SPECC1: variants seen among roughly 807,000 people sequenced by gnomAD.
The protein encoded by SPECC1 is sperm antigen with calponin homology and coiled-coil domains 1.
In SPECC1, 62 loss-of-function variants were observed where a neutral mutation model predicts 104.1. That is an observed-to-expected ratio of 0.60 (90% CI 0.49 to 0.74). The LOEUF is 0.74. SPECC1 is among the 30% of genes least tolerant of loss of function. The pLI, the probability that SPECC1 is intolerant of heterozygous loss-of-function variation, is 0.00. For synonymous variants in SPECC1, 513 were observed against 501.6 expected (o/e 1.02, Z -0.30); for missense variants, 1,306 against 1,310.5 (o/e 1.00, Z 0.05).
At chr17:20,015,584 A>ATTTTTTTT (rs1222758913) in intron 1 of SPECC1, among the ~76,000 whole-genome samples, 3,565 of 101,710 alleles carry the variant, frequency 0.035, 312 homozygotes, top group African/African-American at 0.066. Flanking sequence ...CCGGGTCTCT[A>ATTTTTTTT]TTTTTTTTTT....
intron 4 of SPECC1, among the ~76,000 whole-genome samples, chr17:20,218,663 A>T (rs909470062): frequency 1.3e-5 from 2 of 151,668 alleles, no homozygotes; most frequent in African/African-American, 4.9e-5. Context: ...TTATGGGTAC[A>T]TAGTAGGTAT....
At chr17:20,295,949 A>T (rs1354958392) in intron 12 of SPECC1, among the ~76,000 whole-genome samples, 1 of 151,934 alleles carries the variant, frequency 6.6e-6, no homozygotes, top group South Asian at 2.1e-4. Flanking sequence ...GATTATAAAA[A>T]TTTTCTCCCA....
chr17:20,237,183 C>A, intron 7 of SPECC1: 2 of 1,314,942 alleles, frequency 1.5e-6, no homozygotes, highest in Non-Finnish European at 1.9e-6. Context: ...AAACAAAGTA[C>A]AAGTCTTATG....
intron 4 of SPECC1, among the ~76,000 whole-genome samples, chr17:20,220,938 T>C (rs2037836776): frequency 6.6e-6 from 1 of 152,218 alleles, no homozygotes; most frequent in African/African-American, 2.4e-5. Flanking sequence ...GAAATGACCA[T>C]ATGGTTTTTA....
At chr17:20,301,350 G>A (rs895579815) in intron 13 of SPECC1, among the ~76,000 whole-genome samples, 8 of 151,880 alleles carry the variant, frequency 5.3e-5, no homozygotes, top group Non-Finnish European at 1.0e-4. Context: ...CAGGATGAGA[G>A]GCACATGTGT....
At chr17:20,131,013 G>C (rs1193058154) in intron 3 of SPECC1, among the ~76,000 whole-genome samples, 1 of 151,992 alleles carries the variant, frequency 6.6e-6, no homozygotes, top group Non-Finnish European at 1.5e-5. Flanking sequence ...TTTTAATTTT[G>C]GTGTTTGTGT....
chr17:20,033,153 G>A (rs112441642), intron 1 of SPECC1, among the ~76,000 whole-genome samples: 13,703 of 151,862 alleles, frequency 0.09, 754 homozygotes, highest in Non-Finnish European at 0.12. Flanking sequence ...TAGTAGAGAC[G>A]GGGTTTTGCC....
chr17:20,045,696 C>T (rs1467718717), intron 1 of SPECC1, among the ~76,000 whole-genome samples: 1 of 152,162 alleles, frequency 6.6e-6, no homozygotes, highest in Non-Finnish European at 1.5e-5. Flanking sequence ...GCTCTCAGCA[C>T]GTTCCTCCTA....
intron 1 of SPECC1, among the ~76,000 whole-genome samples, chr17:20,043,586 C>A (rs952536156): frequency 8.5e-5 from 13 of 152,114 alleles, no homozygotes; most frequent in Non-Finnish European, 1.2e-4. Context: ...AAAGTGAGCT[C>A]CTTCTGGTTC....
chr17:20,031,614 T>C (rs936042199), intron 1 of SPECC1, among the ~76,000 whole-genome samples: 1 of 152,206 alleles, frequency 6.6e-6, no homozygotes, highest in African/African-American at 2.4e-5. Context: ...AGAACTCTTT[T>C]TATCTTGCAA....
chr17:20,242,069 TA>T (rs2151523038), intron 7 of SPECC1, among the ~76,000 whole-genome samples: 1 of 152,300 alleles, frequency 6.6e-6, no homozygotes, highest in South Asian at 2.1e-4. Context: ...TCACAAATAT[TA>T]ATCTGCCAAT....
At chr17:20,147,719 T>C (rs887222627) in intron 3 of SPECC1, among the ~76,000 whole-genome samples, 1 of 152,190 alleles carries the variant, frequency 6.6e-6, no homozygotes, top group Non-Finnish European at 1.5e-5. Flanking sequence ...TTTTTACTAA[T>C]TAAAGTTTAA....
At chr17:20,211,551 T>G (rs1233295030) in intron 4 of SPECC1, among the ~76,000 whole-genome samples, 2 of 152,258 alleles carry the variant, frequency 1.3e-5, no homozygotes, top group Non-Finnish European at 2.9e-5. Flanking sequence ...TTCTAGAGAT[T>G]AAACTACAAA....
intron 3 of SPECC1, among the ~76,000 whole-genome samples, chr17:20,195,757 C>T (rs535977401): frequency 1.3e-5 from 2 of 152,150 alleles, no homozygotes; most frequent in East Asian, 1.9e-4. Context: ...TAGAGTTTTG[C>T]CAATTCTTAA....
Position 20,205,141 on chromosome 17 carries a change from C to T in SPECC1, c.1092C>T (p.Ser364=), listed in dbSNP as rs376296757. The T allele has an allele frequency of 4.5e-5, 72 of 1,614,040 alleles. No homozygotes were observed. Among genetic ancestry groups the T allele is most frequent in the African/African-American group, 3.9e-4 (29 of 75,006 alleles). ...CTACTGCTGGGAGTTCCCCAAACAG[C>T]GTAAGTGAATTGTCCCTGGCTTCCC... is the stretch of plus-strand genomic sequence containing the variant. ...KCSTAGSSPN[S]VSELSLASLT... Residue 364 remains serine, a synonymous_variant, in exon 4 of 15, where the codon AGC becomes AGT. Transcript: ENST00000395527.
intron 2 of SPECC1, among the ~76,000 whole-genome samples, chr17:20,107,915 G>T (rs1360649461): frequency 6.6e-6 from 1 of 152,130 alleles, no homozygotes; most frequent in East Asian, 1.9e-4. Context: ...GGAGGCTGAG[G>T]CAGGAAAGCC....
At chr17:20,134,057 T>C (rs1018579299) in intron 3 of SPECC1, among the ~76,000 whole-genome samples, 1 of 151,360 alleles carries the variant, frequency 6.6e-6, no homozygotes, top group African/African-American at 2.4e-5. Flanking sequence ...CTTCATATAA[T>C]GTTTATATAT....
chr17:20,238,492 A>G (rs765382182), intron 7 of SPECC1: 2 of 1,042,460 alleles, frequency 1.9e-6, no homozygotes, highest in Non-Finnish European at 2.3e-6. Context: ...AGACAAGACA[A>G]AAGTTACTGT....
intron 3 of SPECC1, among the ~76,000 whole-genome samples, chr17:20,131,639 C>CTTTTTTTTTTTTT (rs541723505): frequency 8.5e-6 from 1 of 118,012 alleles, no homozygotes; most frequent in Non-Finnish European, 1.8e-5. Flanking sequence ...CAGTCTTCTT[C>CTTTTTTTTTTTTT]TTTTTTTTTT....
Sources: allele counts gnomAD v4.1 joint callset (sites outside exome capture counted in the v4.1 genomes callset), GRCh38; gene constraint gnomAD v4.1.1; transcripts MANE v1.5; gene names NCBI Gene and HGNC (gene_info 2026-07-23, HGNC 2026-07-21).